SULF2: variants seen among roughly 807,000 people sequenced by gnomAD.
SULF2 encodes the protein sulfatase 2.
Under a neutral mutation model 107.7 loss-of-function variants are expected in SULF2, and 52 were observed. The ratio of observed to expected loss-of-function variants is 0.48; its 90% CI spans 0.39 to 0.61. SULF2 has a LOEUF of 0.61. SULF2 is among the 20% of genes least tolerant of loss of function. SULF2 has a pLI of 0.00. For missense variants in SULF2, 993 were observed against 1,177.3 expected, an observed-to-expected ratio of 0.84 and a Z score of 2.29; for synonymous variants, 460 against 464.3, an observed-to-expected ratio of 0.99 and a Z score of 0.12.
chr20:47,664,819 T>C (rs569022909), intron 14 of SULF2, among the ~76,000 whole-genome samples: 60 of 152,364 alleles, frequency 3.9e-4, no homozygotes, highest in African/African-American at 1.4e-3. Flanking sequence ...CAGCACAGAA[T>C]GTTCTATTAG....
intron 1 of SULF2, among the ~76,000 whole-genome samples, chr20:47,761,468 T>C (rs926400380): frequency 6.6e-5 from 10 of 152,236 alleles, no homozygotes; most frequent in African/African-American, 2.4e-4. Context: ...AACACATGTT[T>C]TGGGAAAAGA....
chr20:47,685,904 C>T (rs2087986169), intron 5 of SULF2: 2 of 152,400 alleles, frequency 1.3e-5, no homozygotes, highest in South Asian at 4.1e-4. Context: ...AAGCAGGTAT[C>T]TATGATGATA....
rs1446044878 is a variant in SULF2 at position 47,702,502 on chromosome 20, GAA to G, written c.567+15_567+16del. 6.2e-7 allele frequency: 1 copy of G among 1,608,762 alleles called. No individual in the cohort carries two copies. Among genetic ancestry groups the G allele is most frequent in the South Asian group, 1.1e-5 (1 of 90,632 alleles). Reference sequence around the variant, plus strand: ...GGGCCACACAGCCACTCCCAGGCTGGAAAGGTTGCAGCTTACCTTGGAGTAGT... The same window carrying G: ...GGGCCACACAGCCACTCCCAGGCTGGAGGTTGCAGCTTACCTTGGAGTAGT... On this transcript the variant is annotated intron_variant, in intron 4 of 20. Coordinates refer to ENST00000688720, the MANE Select transcript of SULF2 (RefSeq NM_001387048.1).
intron 2 of SULF2, among the ~76,000 whole-genome samples, chr20:47,752,969 C>T (rs1397095440): frequency 6.6e-6 from 1 of 151,596 alleles, no homozygotes; most frequent in Non-Finnish European, 1.5e-5. Flanking sequence ...GGTGTGGTAG[C>T]GGGCACCTGT....
chr20:47,669,349 C>T (rs1373402562), intron 11 of SULF2, among the ~76,000 whole-genome samples: 1 of 152,192 alleles, frequency 6.6e-6, no homozygotes, highest in Non-Finnish European at 1.5e-5. Context: ...CCAACCTTAC[C>T]ACTGCGGACA....
chr20:47,709,355 C>G (rs2088851117), intron 3 of SULF2, among the ~76,000 whole-genome samples: 1 of 152,220 alleles, frequency 6.6e-6, no homozygotes, highest in Non-Finnish European at 1.5e-5. Context: ...TGGCTGGCGA[C>G]TGCCCCTGGG....
chr20:47,658,289 C>T lies in SULF2; in HGVS notation c.*73G>A. 1 of 1,530,298 alleles carries T rather than the reference C, an allele frequency of 6.5e-7. No individual in the cohort carries two copies. Among genetic ancestry groups the T allele is most frequent in the South Asian group, 1.1e-5 (1 of 89,348 alleles). 94.8% of individuals were successfully genotyped at this position (1,530,298 alleles called of 1,614,324 possible). ...AATACCACAGGTCTGCTGGAAATCA[C>T]CCACATGGTTTTTCATTGCCTGTGC... On this transcript the variant is annotated 3_prime_UTR_variant, in exon 21 of 21. Transcript: ENST00000688720.
chr20:47,744,932 ATG>A (rs757530277), intron 2 of SULF2, among the ~76,000 whole-genome samples: 1 of 151,952 alleles, frequency 6.6e-6, no homozygotes, highest in South Asian at 2.1e-4. Flanking sequence ...ACAAATGAAT[ATG>A]TGTGTGTGTG....
chr20:47,746,158 C>A (rs1408114037), intron 2 of SULF2, among the ~76,000 whole-genome samples: 2 of 152,346 alleles, frequency 1.3e-5, no homozygotes, highest in Middle Eastern at 3.4e-3. Flanking sequence ...GCCCTGTGGG[C>A]ATGGAGTTTG....
At position 47,785,324 on chromosome 20, in the gene SULF2, C is replaced by T. The variant is rs1382966531; in HGVS notation, c.-101+19G>A. On this transcript the variant is annotated intron_variant, in intron 1 of 20. Coordinates refer to ENST00000688720, the MANE Select transcript of SULF2 (RefSeq NM_001387048.1). ...CCCGCGTCCCCCAGCCACCCACCTGCCCCCCACGCCCCACTCACCAGCGCG... is the reference window on the plus strand; with the variant it reads ...CCCGCGTCCCCCAGCCACCCACCTGTCCCCCACGCCCCACTCACCAGCGCG... 8 of 144,418 alleles carry T rather than the reference C, an allele frequency of 5.5e-5. No homozygotes were observed. The highest frequency in any genetic ancestry group is 1.9e-4 in the South Asian group (1 of 5,186). The allele number at this position is 144,418 out of a possible 1,614,324, so 8.9% of individuals were successfully genotyped here. A position where few individuals can be genotyped will look rare whatever the true frequency, so the allele number is the denominator to read the frequency against.
chr20:47,659,291 GAACA>G (rs1162473043), intron 20 of SULF2, 104 bp downstream of exon 20: 40 of 979,288 alleles, frequency 4.1e-5, no homozygotes, highest in South Asian at 2.5e-4. Flanking sequence ...CTCATCATGA[GAACA>G]AACAAAGGGT....
At chr20:47,744,869 C>G (rs1406723371) in intron 2 of SULF2, among the ~76,000 whole-genome samples, 1 of 152,188 alleles carries the variant, frequency 6.6e-6, no homozygotes, top group Non-Finnish European at 1.5e-5. Flanking sequence ...GCGTCCTTCT[C>G]CTGATTCCTC....
At chr20:47,773,087 A>G (rs183547934) in intron 1 of SULF2, among the ~76,000 whole-genome samples, 1 of 152,318 alleles carries the variant, frequency 6.6e-6, no homozygotes, top group East Asian at 1.9e-4. Flanking sequence ...AGCGGGCTCC[A>G]TAAAGCCCCG....
intron 7 of SULF2, among the ~76,000 whole-genome samples, chr20:47,681,572 C>T (rs1157203437): frequency 2.0e-5 from 3 of 152,202 alleles, no homozygotes; most frequent in Non-Finnish European, 4.4e-5. Flanking sequence ...GCCCCAGCCC[C>T]TTCCCTTACT....
At chr20:47,665,646 A>C (rs1370621044) in intron 13 of SULF2, among the ~76,000 whole-genome samples, 1 of 152,230 alleles carries the variant, frequency 6.6e-6, no homozygotes, top group Non-Finnish European at 1.5e-5. Context: ...CAACGTGGCT[A>C]AGCCATCGTC....
intron 4 of SULF2, among the ~76,000 whole-genome samples, chr20:47,701,974 T>C (rs1011026212): frequency 2.4e-4 from 36 of 152,218 alleles, no homozygotes; most frequent in African/African-American, 8.4e-4. Context: ...GTGTATGTAC[T>C]TTCTGTAAGA....
chr20:47,686,991 A>AG (rs1568815824), intron 5 of SULF2, among the ~76,000 whole-genome samples: 2 of 152,186 alleles, frequency 1.3e-5, no homozygotes, highest in Admixed American at 6.5e-5. Context: ...AGGAACTGAA[A>AG]GGGGGCTGCT....
At chr20:47,700,738 C>T (rs764294904) in intron 4 of SULF2, among the ~76,000 whole-genome samples, 6 of 151,800 alleles carry the variant, frequency 4.0e-5, no homozygotes, top group East Asian at 3.9e-4. Context: ...CTCTGCCTCC[C>T]GGGTTCACAC....
chr20:47,757,390 C>T lies in SULF2; in HGVS notation c.-27G>A. 1.3e-6 allele frequency: 2 copies of T among 1,552,634 alleles called. No individual in the cohort carries two copies. The highest frequency in any genetic ancestry group is 1.7e-6 in the Non-Finnish European group (2 of 1,143,416). On this transcript the variant is annotated 5_prime_UTR_variant, in exon 2 of 21. Transcript: ENST00000688720. The stretch of plus-strand genomic sequence containing the variant: ...TTCTTTTTTTGCTGATCTGGTGCTT[C>T]TTTTGGGATGCGGGAGTCTCAAGTT...
Sources: allele counts gnomAD v4.1 joint callset (sites outside exome capture counted in the v4.1 genomes callset), GRCh38; gene constraint gnomAD v4.1.1; transcripts MANE v1.5; gene names NCBI Gene and HGNC (gene_info 2026-07-23, HGNC 2026-07-21).